The following MTFR1 variants were observed in gnomAD, a reference collection of about 807,000 sequenced individuals.
MTFR1 encodes the protein mitochondrial fission regulator 1.
A neutral mutation model predicts 38.8 loss-of-function variants in MTFR1; 28 were observed. The ratio of observed to expected loss-of-function variants is 0.72; its 90% confidence interval spans 0.53 to 0.99. The LOEUF (loss-of-function observed/expected upper bound fraction) is 0.99, where lower values mean the gene tolerates loss of function less well. Ranked by LOEUF, MTFR1 falls within the 50% of genes least tolerant of loss-of-function variation. The pLI, the probability that MTFR1 is intolerant of heterozygous loss-of-function variation, is 0.00. For synonymous variants in MTFR1, 145 were observed against 137.0 expected (o/e 1.06, Z -0.41); for missense variants, 358 against 395.5 (o/e 0.91, Z 0.81).
chr8:65,708,964 G>A lies in MTFR1; in HGVS notation c.934-12G>A. 2 of 1,612,990 alleles carry A rather than the reference G, an allele frequency of 1.2e-6. No individual in the cohort carries two copies. Among genetic ancestry groups the A allele is most frequent in the Non-Finnish European group, 1.7e-6 (2 of 1,179,116 alleles). ...ACCAATATCTTTATTTATACTTTTT[G>A]TTTGTTTCTAGTTTGGGCCACACAT... On this transcript the variant is annotated splice_polypyrimidine_tract_variant and intron_variant, in intron 7 of 7. Coordinates refer to ENST00000262146, the MANE Select transcript of MTFR1 (RefSeq NM_014637.4).
At chr8:65,774,744 CAT>C (rs1158335782), downstream of MTFR1, among the ~76,000 whole-genome samples, 1 of 151,800 alleles carries the variant, frequency 6.6e-6, no homozygotes, top group African/African-American at 2.4e-5. Flanking sequence ...AAACCCATAA[CAT>C]GTAACATAAA....
At chr8:65,724,427 A>G in intron 3 of MTFR1, 1 of 886,688 alleles carries the variant, frequency 1.1e-6, no homozygotes, top group Non-Finnish European at 1.8e-6. Flanking sequence ...AAGTGCAAGG[A>G]CTGGATTAAC....
At chr8:65,743,001 C>T (rs1427279103) in intron 3 of MTFR1, among the ~76,000 whole-genome samples, 2 of 152,194 alleles carry the variant, frequency 1.3e-5, no homozygotes, top group Non-Finnish European at 2.9e-5. Flanking sequence ...GAGCTCACGC[C>T]GCTTTCATCA....
intron 3 of MTFR1, among the ~76,000 whole-genome samples, chr8:65,762,287 G>A (rs1470452921): frequency 1.3e-5 from 2 of 151,958 alleles, no homozygotes; most frequent in African/African-American, 4.8e-5. Flanking sequence ...TTAACATCGG[G>A]TAATTACACT....
At chr8:65,728,532 G>A (rs1206612087) in intron 3 of MTFR1, 12 of 152,086 alleles carry the variant, frequency 7.9e-5, no homozygotes, top group Admixed American at 7.9e-4. Flanking sequence ...CAATGAATAG[G>A]AGAAGATGAA....
chr8:65,653,000 A>G (rs891060358), intron 1 of MTFR1, among the ~76,000 whole-genome samples: 1 of 152,254 alleles, frequency 6.6e-6, no homozygotes, highest in Non-Finnish European at 1.5e-5. Context: ...GTGTACAGGC[A>G]GGAGGGTAAA....
At chr8:65,735,403 G>A (rs1807086570) in intron 3 of MTFR1, among the ~76,000 whole-genome samples, 1 of 151,636 alleles carries the variant, frequency 6.6e-6, no homozygotes. Context: ...TGACCTCCTG[G>A]GCTCAAGTAA....
intron 3 of MTFR1, among the ~76,000 whole-genome samples, chr8:65,765,954 T>C (rs564118666): frequency 6.6e-6 from 1 of 152,346 alleles, no homozygotes; most frequent in Non-Finnish European, 1.5e-5. Context: ...ATTTTATTTA[T>C]TTATTTTTTG....
intron 4 of MTFR1, among the ~76,000 whole-genome samples, chr8:65,695,450 G>A (rs1297384299): frequency 6.6e-6 from 1 of 151,976 alleles, no homozygotes; most frequent in Middle Eastern, 3.2e-3. Flanking sequence ...CCCACCTCCC[G>A]GGTTCTATCA....
chr8:65,710,668 T>A (rs1043710118), downstream of MTFR1: 4 of 152,206 alleles, frequency 2.6e-5, no homozygotes, highest in Admixed American at 2.0e-4. Context: ...GGAATTATAT[T>A]CCTTAAAATA....
At chr8:65,757,733 C>G (rs1426146257) in intron 3 of MTFR1, among the ~76,000 whole-genome samples, 1 of 152,196 alleles carries the variant, frequency 6.6e-6, no homozygotes. Context: ...ATTCTTCTGC[C>G]TCAGCCTCCT....
intron 3 of MTFR1, among the ~76,000 whole-genome samples, chr8:65,684,825 A>C (rs1416758048): frequency 6.6e-6 from 1 of 151,688 alleles, no homozygotes; most frequent in Non-Finnish European, 1.5e-5. Flanking sequence ...GCCAACATGG[A>C]GAAACCCCAT....
chr8:65,754,119 A>G (rs773379254), intron 3 of MTFR1, among the ~76,000 whole-genome samples: 3 of 152,118 alleles, frequency 2.0e-5, no homozygotes, highest in Non-Finnish European at 2.9e-5. Flanking sequence ...AGAACTTGGG[A>G]GTCTGATGTT....
At chr8:65,720,497 T>C (rs957939343) in intron 3 of MTFR1, 2 of 154,200 alleles carry the variant, frequency 1.3e-5, no homozygotes, top group Non-Finnish European at 2.9e-5. Context: ...GCAACCAGCA[T>C]CCACTACTTT....
In MTFR1 at chr8:65,739,744, A is replaced by T; in HGVS notation, c.*48+20263A>T. ...TATCAAAAATATGCATCTTCTTACCAGTTATGAACTTTATATGTCACATCT... is the reference window on the plus strand; with the variant it reads ...TATCAAAAATATGCATCTTCTTACCTGTTATGAACTTTATATGTCACATCT... On this transcript the variant is annotated intron_variant, in intron 3 of 3. Coordinates refer to the MTFR1 transcript ENST00000521247. 2.3e-6 allele frequency: 2 copies of T among 884,708 alleles called. 1 individual carries two copies. Among genetic ancestry groups the T allele is most frequent in the East Asian group, 7.3e-5 (2 of 27,226 alleles). The allele number at this position is 884,708 out of a possible 1,614,324, so 54.8% of individuals were successfully genotyped here. A position where few individuals can be genotyped will look rare whatever the true frequency, so the allele number is the denominator to read the frequency against.
chr8:65,692,065 A>G (rs1805297029), intron 3 of MTFR1, among the ~76,000 whole-genome samples: 1 of 152,228 alleles, frequency 6.6e-6, no homozygotes. Flanking sequence ...TGAACAATGC[A>G]TGAGTCCCAA....
chr8:65,774,051 C>T (rs913494634), downstream of MTFR1, among the ~76,000 whole-genome samples: 5 of 152,098 alleles, frequency 3.3e-5, no homozygotes, highest in African/African-American at 9.7e-5. Context: ...ATGAGCAATA[C>T]GTTCACATGA....
chr8:65,711,304 G>A (rs1009426925), downstream of MTFR1, among the ~76,000 whole-genome samples: 9 of 152,080 alleles, frequency 5.9e-5, no homozygotes, highest in African/African-American at 1.9e-4. Context: ...TTCTGTATTA[G>A]GAATGCCTAT....
At chr8:65,745,522 CT>C in intron 3 of MTFR1, 2 of 989,870 alleles carry the variant, frequency 2.0e-6, no homozygotes, top group Non-Finnish European at 3.2e-6. Flanking sequence ...ATAACATTGT[CT>C]TTTGGAGATA....
Sources: gnomAD v4.1 joint callset for allele counts (sites outside exome capture counted in the v4.1 genomes callset) on GRCh38, gnomAD v4.1.1 for gene constraint, MANE v1.5 for transcripts, NCBI Gene and HGNC (gene_info 2026-07-23, HGNC 2026-07-21) for gene names.